Variants in FARP1 observed in about 807,000 individuals in gnomAD.
The protein encoded by FARP1 is FERM, ARHGEF and pleckstrin domain-containing protein 1.
FARP1 carries 52 observed loss-of-function variants against 128.8 expected under a neutral mutation model. The ratio of observed to expected loss-of-function variants is 0.40; its 90% CI spans 0.32 to 0.51. The LOEUF (loss-of-function observed/expected upper bound fraction) is 0.51, where lower values mean the gene tolerates loss of function less well. FARP1 is among the 20% of genes least tolerant of loss of function. The pLI, the probability that FARP1 is intolerant of heterozygous loss-of-function variation, is 0.45. For synonymous variants in FARP1, 580 were observed against 551.8 expected (o/e 1.05, Z -0.72); for missense variants, 1,333 against 1,367.9 (o/e 0.97, Z 0.40).
intron 1 of FARP1, among the ~76,000 whole-genome samples, chr13:98,175,277 C>G (rs1366400135): frequency 6.6e-6 from 1 of 152,166 alleles, no homozygotes; most frequent in Non-Finnish European, 1.5e-5. Flanking sequence ...CAGCGTGGAT[C>G]TGTTGGTGTT....
chr13:98,184,264 C>T (rs1878716663), intron 1 of FARP1, among the ~76,000 whole-genome samples: 1 of 151,978 alleles, frequency 6.6e-6, no homozygotes. Context: ...ATTGTAGGCG[C>T]CTGCCACCCC....
chr13:98,251,421 G>A (rs1301520491), intron 2 of FARP1, among the ~76,000 whole-genome samples: 1 of 152,142 alleles, frequency 6.6e-6, no homozygotes, highest in Non-Finnish European at 1.5e-5. Flanking sequence ...GTATTCTTAC[G>A]CCTGTAATCC....
At position 98,365,529 on chromosome 13, in the gene FARP1, T is replaced by A. The variant is rs180773450; in HGVS notation, c.319+92T>A. On this transcript the variant is annotated intron_variant, in intron 4 of 26. Transcript: ENST00000319562. The stretch of plus-strand genomic sequence containing the variant: ...TCTCTTGCCCTGTGGCATGAAGCAC[T>A]AGAAACACAAATTCTTCTACCCCAT... 5.9e-6 allele frequency: 5 copies of A among 849,998 alleles called. No homozygotes were observed. In the African/African-American group the frequency reaches 8.5e-5, roughly 14 times the overall value. 52.7% of individuals were successfully genotyped at this position (849,998 alleles called of 1,614,324 possible).
chr13:98,187,083 A>G (rs1160779108), intron 1 of FARP1, among the ~76,000 whole-genome samples: 1 of 150,556 alleles, frequency 6.6e-6, no homozygotes, highest in South Asian at 2.1e-4. Context: ...TTGAGTTTAT[A>G]CCCAGAAGTG....
chr13:98,256,868 GTTTTTT>G (rs61649881), intron 2 of FARP1, among the ~76,000 whole-genome samples: 2 of 113,090 alleles, frequency 1.8e-5, no homozygotes, highest in Non-Finnish European at 3.5e-5. Flanking sequence ...CCTTACTACA[GTTTTTT>G]TTTTTTTTTT....
At chr13:98,402,165 T>A (rs544855615) in intron 13 of FARP1, 1 of 152,388 alleles carries the variant, frequency 6.6e-6, no homozygotes, top group African/African-American at 2.4e-5. Context: ...AATCGTGCTG[T>A]GAGATACTGG....
Position 98,438,805 on chromosome 13 carries a change from A to T in FARP1, c.2276A>T (p.Glu759Val), listed in dbSNP as rs1167906458. 3 of 1,612,186 alleles carry T rather than the reference A, an allele frequency of 1.9e-6. No individual in the cohort carries two copies. Among genetic ancestry groups the T allele is most frequent in the African/African-American group, 1.3e-5 (1 of 74,934 alleles). ...CCCTCCGGTCTGTCTCCCCTGCAGG[A>T]GTTCATCCGTCTGGGCAGCCTCAGC... ...GIDNLVVPGREFIRLGSLSKL... is the reference protein window; with the variant it reads ...GIDNLVVPGRVFIRLGSLSKL... Residue 759 changes from glutamate to valine, a missense_variant and splice_region_variant, in exon 20 of 27, where the codon GAG becomes GTG. Physicochemically the swap from Glu to Val is moderately radical, Grantham distance 121. Around this residue, in one of 2 missense-constraint regions of FARP1, gnomAD observed 1,009 missense variants for 969.8 expected, o/e 1.04. Transcript: ENST00000319562.
chr13:98,303,733 C>T (rs1268969771), intron 2 of FARP1, among the ~76,000 whole-genome samples: 3 of 152,056 alleles, frequency 2.0e-5, no homozygotes, highest in African/African-American at 7.3e-5. Context: ...TTTACTTTAG[C>T]CTCAATTAGT....
chr13:98,301,826 T>C (rs117587433), intron 2 of FARP1, among the ~76,000 whole-genome samples: 20 of 152,252 alleles, frequency 1.3e-4, no homozygotes, highest in Non-Finnish European at 2.6e-4. Flanking sequence ...CAGACTTCTT[T>C]AAAAAGCAGA....
At position 98,256,684 on chromosome 13, in the gene FARP1, C is replaced by T. The variant is rs137867345; in HGVS notation, c.171+43271C>T. 3.0e-3 allele frequency among the ~76,000 whole-genome samples: 456 copies of T among 151,284 alleles called. 4 individuals carry two copies. The highest frequency in any genetic ancestry group is 0.01 in the African/African-American group (420 of 41,286). ...AAGTGATTCTTGTGCTTTGGCCTCC[C>T]GAGCAGCTGGGATTACAGGCATATG... On this transcript the variant is annotated intron_variant, in intron 2 of 26. Coordinates refer to ENST00000319562, the MANE Select transcript of FARP1 (RefSeq NM_005766.4).
At chr13:98,142,699 G>A (rs1875116531), upstream of FARP1, 1 of 152,340 alleles carries the variant, frequency 6.6e-6, no homozygotes, top group South Asian at 2.1e-4. Context: ...ACCTCAAAAA[G>A]CGACCTGCAG....
intron 5 of FARP1, 118 bp downstream of exon 5, chr13:98,368,313 C>T: frequency 1.4e-6 from 1 of 727,726 alleles, no homozygotes; most frequent in Non-Finnish European, 2.3e-6. Flanking sequence ...AGCATCTGTT[C>T]TGTACTGAAC....
At chr13:98,302,400 C>G (rs754934995) in intron 2 of FARP1, among the ~76,000 whole-genome samples, 1 of 152,132 alleles carries the variant, frequency 6.6e-6, no homozygotes, top group African/African-American at 2.4e-5. Flanking sequence ...TTTTTTCACC[C>G]CTGCCCACAC....
At chr13:98,190,568 ATTATT>A (rs1879155793) in intron 1 of FARP1, among the ~76,000 whole-genome samples, 1 of 132,492 alleles carries the variant, frequency 7.5e-6, no homozygotes, top group African/African-American at 3.0e-5. Flanking sequence ...TTACTTATTT[ATTATT>A]ATTTTTAGAA....
At chr13:98,171,438 T>G (rs942724761) in intron 1 of FARP1, among the ~76,000 whole-genome samples, 2 of 152,230 alleles carry the variant, frequency 1.3e-5, no homozygotes, top group Admixed American at 1.3e-4. Flanking sequence ...GCATCACTTA[T>G]GATACAAATC....
chr13:98,281,568 A>G (rs1469800687), intron 2 of FARP1, among the ~76,000 whole-genome samples: 5 of 152,098 alleles, frequency 3.3e-5, no homozygotes, highest in African/African-American at 1.2e-4. Context: ...CTACCTTCCC[A>G]TACAACAAGC....
chr13:98,159,876 C>T (rs1020356272), intron 1 of FARP1, among the ~76,000 whole-genome samples: 1 of 152,200 alleles, frequency 6.6e-6, no homozygotes, highest in Non-Finnish European at 1.5e-5. Flanking sequence ...ACTGGCCTCA[C>T]CCTAGTGCCA....
At chr13:98,439,549 C>T (rs1240274178) in intron 21 of FARP1, among the ~76,000 whole-genome samples, 1 of 152,184 alleles carries the variant, frequency 6.6e-6, no homozygotes, top group East Asian at 1.9e-4. Flanking sequence ...GGGGCCCCGA[C>T]AGTCCTCGCC....
intron 2 of FARP1, among the ~76,000 whole-genome samples, chr13:98,256,948 GATATATATATATAT>G (rs56701739): frequency 0.037 from 2,868 of 77,090 alleles, 206 homozygotes; most frequent in Admixed American, 0.12. Context: ...TATATATGTG[GATATATATATATAT>G]ATATATATAT....
Sources: allele counts gnomAD v4.1 joint callset (sites outside exome capture counted in the v4.1 genomes callset), GRCh38; gene constraint gnomAD v4.1.1; regional missense constraint gnomAD v4.1.1; transcripts MANE v1.5; gene names NCBI Gene and HGNC (gene_info 2026-07-23, HGNC 2026-07-21).